The following RAB30 variants were observed in gnomAD, a reference collection of about 807,000 sequenced individuals.
RAB30 encodes the protein RAB30, member RAS oncogene family.
A neutral mutation model predicts 25.1 loss-of-function variants in RAB30; 9 were observed. That is an observed-to-expected ratio of 0.36 (90% CI 0.22 to 0.63). RAB30 has a LOEUF of 0.63. Ranked by LOEUF, RAB30 falls within the 20% of genes least tolerant of loss-of-function variation. The pLI is 0.69. For synonymous variants in RAB30, 77 were observed against 86.4 expected, an observed-to-expected ratio of 0.89 and a Z score of 0.60; for missense variants, 140 against 243.5, an observed-to-expected ratio of 0.58 and a Z score of 2.83.
At chr11:83,024,983 G>A (rs1290969570) in intron 1 of RAB30, among the ~76,000 whole-genome samples, 7 of 152,286 alleles carry the variant, frequency 4.6e-5, no homozygotes, top group Admixed American at 6.5e-5. Flanking sequence ...ATTTAACTCC[G>A]TTTAACCGAG....
chr11:83,054,121 C>A (rs750053326), intron 1 of RAB30, among the ~76,000 whole-genome samples: 11 of 152,064 alleles, frequency 7.2e-5, no homozygotes, highest in Non-Finnish European at 1.6e-4. Context: ...TGCTTATGAC[C>A]ATAGGGACAA....
chr11:83,042,575 A>C (rs1281734012), intron 1 of RAB30, among the ~76,000 whole-genome samples: 1 of 152,084 alleles, frequency 6.6e-6, no homozygotes, highest in Non-Finnish European at 1.5e-5. Context: ...AAACAAAAAA[A>C]CCCACAAATC....
chr11:83,062,500 G>C (rs1858605718), intron 1 of RAB30, among the ~76,000 whole-genome samples: 1 of 152,166 alleles, frequency 6.6e-6, no homozygotes, highest in Admixed American at 6.5e-5. Flanking sequence ...TAGACAACAT[G>C]AGACAGAATT....
chr11:82,998,816 A>G (rs2121466656), intron 1 of RAB30, among the ~76,000 whole-genome samples: 1 of 151,976 alleles, frequency 6.6e-6, no homozygotes, highest in East Asian at 1.9e-4. Context: ...GAGAGAGAGG[A>G]AATGGGCAGT....
intron 1 of RAB30, among the ~76,000 whole-genome samples, chr11:83,016,125 G>A (rs918098418): frequency 1.3e-5 from 2 of 152,158 alleles, no homozygotes; most frequent in African/African-American, 4.8e-5. Flanking sequence ...GCAACAGAGT[G>A]AGACTCTGTC....
rs1856602461 is a variant in RAB30, at chr11:82,979,441, C to T, written c.*2724G>A. The T allele has an allele frequency of 6.6e-6, 1 of 152,070 alleles. No homozygotes were observed. The highest frequency in any genetic ancestry group is 1.5e-5 in the Non-Finnish European group (1 of 68,016). 9.4% of individuals were successfully genotyped at this position (152,070 alleles called of 1,614,324 possible). A position where few individuals can be genotyped will look rare whatever the true frequency, so the allele number is the denominator to read the frequency against. Reference sequence around the variant, plus strand: ...AGAGTTCATTTTTATCTAAAGAAGGCTCATCTTAGCAAATATTGCCATGAC... The same window carrying T: ...AGAGTTCATTTTTATCTAAAGAAGGTTCATCTTAGCAAATATTGCCATGAC... On this transcript the variant is annotated 3_prime_UTR_variant, in exon 5 of 5. Transcript: ENST00000527633.
chr11:83,062,005 G>A (rs7945516), intron 1 of RAB30, among the ~76,000 whole-genome samples: 1,554 of 152,070 alleles, frequency 0.01, 17 homozygotes, highest in Middle Eastern at 0.044. Flanking sequence ...CTCTTCCCCC[G>A]TGCCTGAAAA....
chr11:83,028,280 TA>T (rs1373159991), intron 1 of RAB30, among the ~76,000 whole-genome samples: 1 of 152,016 alleles, frequency 6.6e-6, no homozygotes, highest in African/African-American at 2.4e-5. Context: ...CGAAATCTTC[TA>T]AAGAATAAAA....
chr11:83,067,948 T>C (rs771139685), intron 1 of RAB30, among the ~76,000 whole-genome samples: 8 of 151,706 alleles, frequency 5.3e-5, no homozygotes, highest in Non-Finnish European at 1.2e-4. Flanking sequence ...GCCAGCATGG[T>C]GAGACCCTAT....
At chr11:83,024,396 C>T (rs1857660070) in intron 1 of RAB30, among the ~76,000 whole-genome samples, 1 of 152,214 alleles carries the variant, frequency 6.6e-6, no homozygotes, top group Non-Finnish European at 1.5e-5. Flanking sequence ...CAGGCTTCCC[C>T]ACCCTGCCAG....
chr11:83,031,819 G>T (rs538426706), intron 1 of RAB30, among the ~76,000 whole-genome samples: 2 of 152,112 alleles, frequency 1.3e-5, no homozygotes, highest in South Asian at 2.1e-4. Flanking sequence ...GAGCCACCAG[G>T]CCTGGCCTGC....
intron 1 of RAB30, among the ~76,000 whole-genome samples, chr11:83,004,168 G>A (rs1857141173): frequency 6.6e-6 from 1 of 152,150 alleles, no homozygotes; most frequent in African/African-American, 2.4e-5. Flanking sequence ...AAACATTAGT[G>A]TAGTAAACAC....
At chr11:83,023,623 T>C (rs1481734417) in intron 1 of RAB30, among the ~76,000 whole-genome samples, 1 of 152,206 alleles carries the variant, frequency 6.6e-6, no homozygotes. Flanking sequence ...ACTTCCACCT[T>C]GGCTAATACA....
chr11:83,053,814 G>A (rs1416064512), intron 1 of RAB30, among the ~76,000 whole-genome samples: 1 of 152,196 alleles, frequency 6.6e-6, no homozygotes, highest in Non-Finnish European at 1.5e-5. Flanking sequence ...AAGTGGCCAA[G>A]TGTTATGGTT....
intron 1 of RAB30, among the ~76,000 whole-genome samples, chr11:83,038,161 GATAAA>G (rs1386900933): frequency 6.6e-6 from 1 of 152,192 alleles, no homozygotes; most frequent in South Asian, 2.1e-4. Flanking sequence ...GTGGTTTTAA[GATAAA>G]ATCTTAATTA....
rs997365972 is a variant in RAB30 at position 82,975,467 on chromosome 11, T to C, written c.*6698A>G. The C allele has an allele frequency of 7.9e-5, 12 of 152,204 alleles. No individual in the cohort carries two copies. Among genetic ancestry groups the C allele is most frequent in the Non-Finnish European group, 1.6e-4 (11 of 68,018 alleles). The allele number at this position is 152,204 out of a possible 1,614,324, so 9.4% of individuals were successfully genotyped here. A position where few individuals can be genotyped will look rare whatever the true frequency, so the allele number is the denominator to read the frequency against. The stretch of plus-strand genomic sequence containing the variant: ...TGAATTTTTTCTTTATTAGGCATTT[T>C]GTATTCCAATTTTTGTTTTAGAATT... On this transcript the variant is annotated 3_prime_UTR_variant, in exon 5 of 5. Transcript: ENST00000527633.
At chr11:83,011,252 T>C (rs1345358131) in intron 1 of RAB30, among the ~76,000 whole-genome samples, 1 of 152,266 alleles carries the variant, frequency 6.6e-6, no homozygotes, top group African/African-American at 2.4e-5. Context: ...CCTAGTTTCT[T>C]TTTCCCATGT....
intron 4 of RAB30, among the ~76,000 whole-genome samples, chr11:82,983,141 T>C (rs1856673967): frequency 6.6e-6 from 1 of 151,856 alleles, no homozygotes; most frequent in African/African-American, 2.4e-5. Context: ...TGAATACATA[T>C]ATTATACACA....
chr11:82,978,421 A>C lies in RAB30; in HGVS notation c.*3744T>G, dbSNP rs1289188237. The C allele has an allele frequency of 8.7e-5, 13 of 149,412 alleles. No homozygotes were observed. Among genetic ancestry groups the C allele is most frequent in the African/African-American group, 2.9e-4 (12 of 40,804 alleles). The allele number at this position is 149,412 out of a possible 1,614,324, so 9.3% of individuals were successfully genotyped here. On this transcript the variant is annotated 3_prime_UTR_variant, in exon 5 of 5. Transcript: ENST00000527633. ...CCTCACAGTTCAAAAAGTTCTGCCC[A>C]CCTTGATTAACTTGTTTTCTGAATA... is the stretch of plus-strand genomic sequence containing the variant.
Sources: allele counts gnomAD v4.1 joint callset (sites outside exome capture counted in the v4.1 genomes callset), GRCh38; gene constraint gnomAD v4.1.1; transcripts MANE v1.5; gene names NCBI Gene and HGNC (gene_info 2026-07-23, HGNC 2026-07-21).